The following NMD3 variants were observed in gnomAD, a reference collection of about 807,000 sequenced individuals.
The protein encoded by NMD3 is NMD3 ribosome export adaptor.
In NMD3, 47 loss-of-function variants were observed where a neutral mutation model predicts 73.1. The observed-to-expected ratio is 0.64, with a 90% CI of 0.51 to 0.82. NMD3 has a LOEUF of 0.82. Among genes scored for constraint, NMD3 ranks in the 40% least tolerant of loss-of-function variants. The probability of loss-of-function intolerance (pLI) is 0.00; values close to 1 mark genes in which losing one functional copy is unlikely to be tolerated. For synonymous variants in NMD3, 210 were observed against 194.5 expected, an observed-to-expected ratio of 1.08 and a Z score of -0.66; for missense variants, 554 against 612.5, an observed-to-expected ratio of 0.90 and a Z score of 1.01.
rs758552786 is a variant in NMD3, at chr3:161,242,524, G to C, written c.888G>C (p.Gly296=). 1 of 1,612,878 alleles carries C rather than the reference G, an allele frequency of 6.2e-7. No individual in the cohort carries two copies. The highest frequency in any genetic ancestry group is 8.5e-7 in the Non-Finnish European group (1 of 1,179,298). ...PNTLQVADID[G]STFWSHPFNS... is the part of the protein sequence containing the mutation. ...TATTTTTAGTGGCAGATATTGATGG[G>C]AGCACTTTCTGGAGTCACCCTTTCA... The change falls in exon 11 of 16, where the codon GGG becomes GGC. Residue 296 remains glycine, a synonymous_variant. Coordinates refer to ENST00000351193, the MANE Select transcript of NMD3 (RefSeq NM_015938.5).
intron 7 of NMD3, among the ~76,000 whole-genome samples, chr3:161,236,963 G>A (rs1463182769): frequency 2.6e-5 from 4 of 152,162 alleles, no homozygotes; most frequent in Non-Finnish European, 5.9e-5. Context: ...ACTAAAGTTA[G>A]TGAGTTTTGA....
At chr3:161,227,101 TA>T in intron 3 of NMD3, 145 bp from the exon 4 acceptor site, 2 of 536,318 alleles carry the variant, frequency 3.7e-6, no homozygotes, top group Non-Finnish European at 3.3e-6. Flanking sequence ...TTGGAACCAT[TA>T]AAATATGTTT....
rs770288384 is a variant in NMD3 at position 161,247,297 on chromosome 3, C to G, written c.1170C>G (p.Val390=). 1 of 1,611,840 alleles carries G rather than the reference C, an allele frequency of 6.2e-7. No individual in the cohort carries two copies. The highest frequency in any genetic ancestry group is 8.5e-7 in the Non-Finnish European group (1 of 1,178,298). Reference sequence around the variant, plus strand: ...ACTGTAACTTAAATGATGAGCATGTCAACAAAATGAACTCAGATAGAGTTC... The same window carrying G: ...ACTGTAACTTAAATGATGAGCATGTGAACAAAATGAACTCAGATAGAGTTC... ...LANCNLNDEH[V]NKMNSDRVPD... Residue 390 remains valine (V), a synonymous_variant, in exon 13 of 16, where the codon GTC becomes GTG. Coordinates refer to ENST00000351193, the MANE Select transcript of NMD3 (RefSeq NM_015938.5).
At chr3:161,229,091 A>G (rs1736438420) in intron 4 of NMD3, among the ~76,000 whole-genome samples, 1 of 152,156 alleles carries the variant, frequency 6.6e-6, no homozygotes. Context: ...TGTGAATAGA[A>G]CGGAGTGGTG....
chr3:161,223,365 T>C (rs977102681), intron 2 of NMD3, among the ~76,000 whole-genome samples: 8 of 152,214 alleles, frequency 5.3e-5, no homozygotes, highest in African/African-American at 1.9e-4. Context: ...AGACTTTTTC[T>C]GCCCCCAGTA....
At chr3:161,252,628 G>A (rs1256601548), downstream of NMD3, 12 of 476,300 alleles carry the variant, frequency 2.5e-5, 1 homozygote, top group South Asian at 3.5e-4. Context: ...CAAGAGTCTT[G>A]TGGGTCCCCC....
intron 11 of NMD3, among the ~76,000 whole-genome samples, chr3:161,243,324 A>C (rs1004532509): frequency 6.6e-6 from 1 of 152,206 alleles, no homozygotes; most frequent in African/African-American, 2.4e-5. Flanking sequence ...TCTCTTTCTT[A>C]AAGTTATCTA....
chr3:161,222,102 C>A, intron 2 of NMD3, 45 bp downstream of exon 2: 2 of 1,525,938 alleles, frequency 1.3e-6, no homozygotes, highest in South Asian at 1.1e-5. Flanking sequence ...TGAAAATCTT[C>A]AGTGAGCCCG....
At chr3:161,234,684 TA>T (rs758237429) in intron 5 of NMD3, 42 bp from the exon 6 acceptor site, 1 of 1,533,184 alleles carries the variant, frequency 6.5e-7, no homozygotes, top group South Asian at 1.3e-5. Context: ...TATTTGTTAT[TA>T]AACAAAACCA....
rs200610308 is a variant in NMD3, at chr3:161,242,616, T to C, written c.980T>C (p.Ile327Thr). 56 of 1,613,448 alleles carry C rather than the reference T, an allele frequency of 3.5e-5. No individual in the cohort carries two copies. The highest frequency in any genetic ancestry group is 3.3e-4 in the Middle Eastern group (2 of 6,056). ...ATGGAATGCAGCATAGTCCAAGATA[T>C]AAAACGTGCTGCAGGTGCTGGAATG... Reference protein sequence around the residue: ...IVMECSIVQDIKRAAGAGMIS... With the variant: ...IVMECSIVQDTKRAAGAGMIS... The change falls in exon 11 of 16, where the codon ATA becomes ACA. Residue 327 changes from isoleucine (I) to threonine (T), a missense_variant. Coordinates refer to ENST00000351193, the MANE Select transcript of NMD3 (RefSeq NM_015938.5).
intron 3 of NMD3, among the ~76,000 whole-genome samples, chr3:161,225,374 A>G (rs1025588666): frequency 6.6e-6 from 1 of 152,196 alleles, no homozygotes; most frequent in Non-Finnish European, 1.5e-5. Flanking sequence ...ATTATTGAGG[A>G]CATATTGTTA....
chr3:161,223,730 G>T (rs1225932365), intron 2 of NMD3, among the ~76,000 whole-genome samples: 2 of 152,030 alleles, frequency 1.3e-5, no homozygotes, highest in East Asian at 3.9e-4. Context: ...GAGATGAGGT[G>T]GTTGAATTAA....
chr3:161,224,894 A>G (rs771517054), intron 2 of NMD3, 36 bp from the exon 3 acceptor site: 1 of 1,550,052 alleles, frequency 6.5e-7, no homozygotes, highest in Admixed American at 2.1e-5. Context: ...TATTTTAAAA[A>G]TCTAATGTGA....
intron 4 of NMD3, among the ~76,000 whole-genome samples, chr3:161,232,390 A>C (rs1057436813): frequency 1.3e-5 from 2 of 152,168 alleles, no homozygotes; most frequent in African/African-American, 2.4e-5. Flanking sequence ...TGTTAACTGC[A>C]GCCCAAATTT....
chr3:161,228,243 T>C (rs1292239189), intron 4 of NMD3, among the ~76,000 whole-genome samples: 3 of 152,202 alleles, frequency 2.0e-5, no homozygotes, highest in Non-Finnish European at 1.5e-5. Flanking sequence ...TAAAATTTCA[T>C]GTAATAGTTC....
In NMD3 at chr3:161,227,316, GA is replaced by G; in HGVS notation, c.256del (p.Ile86SerfsTer5). ...CCAGGGAACTTCTTGCTTTGTGCTT[GA>G]AAAAAATCAAAGCCCCTCTGAGTAA... Reference protein sequence around the residue: ...ESRELLALCLKKIKAPLSKVR... With the variant: ...ESRELLALCLXKIKAPLSKVR... On this transcript the variant is annotated frameshift_variant, in exon 4 of 16. Transcript: ENST00000351193. LOFTEE classifies it high-confidence loss of function. 6.3e-7 allele frequency: 1 copy of G among 1,599,394 alleles called. No homozygotes were observed. Among genetic ancestry groups the G allele is most frequent in the Non-Finnish European group, 8.5e-7 (1 of 1,170,826 alleles).
At chr3:161,248,351 G>A (rs184926058) in intron 13 of NMD3, among the ~76,000 whole-genome samples, 3 of 151,850 alleles carry the variant, frequency 2.0e-5, no homozygotes, top group African/African-American at 4.8e-5. Context: ...TTAGCCAGGC[G>A]TGGTGGCATG....
chr3:161,227,685 G>T (rs1233591788), intron 4 of NMD3, among the ~76,000 whole-genome samples: 1 of 152,012 alleles, frequency 6.6e-6, no homozygotes, highest in East Asian at 1.9e-4. Context: ...CTGACCTCGT[G>T]ATCTGCCTGC....
intron 2 of NMD3, among the ~76,000 whole-genome samples, chr3:161,222,694 A>G (rs1041156931): frequency 1.3e-5 from 2 of 152,132 alleles, no homozygotes; most frequent in Non-Finnish European, 2.9e-5. Flanking sequence ...GCACAGACCA[A>G]TTAGCTAAAT....
Sources: gnomAD v4.1 joint callset for allele counts (sites outside exome capture counted in the v4.1 genomes callset) on GRCh38, gnomAD v4.1.1 for gene constraint, MANE v1.5 for transcripts, NCBI Gene and HGNC (gene_info 2026-07-23, HGNC 2026-07-21) for gene names.